Variants in ELMOD1 observed in about 807,000 individuals in gnomAD.
ELMOD1 encodes the protein ELMO domain containing 1.
ELMOD1 carries 21 observed loss-of-function variants against 46.7 expected under a neutral mutation model. The ratio of observed to expected loss-of-function variants is 0.45; its 90% CI spans 0.32 to 0.65. The LOEUF is 0.65. ELMOD1 is among the 30% of genes least tolerant of loss of function. ELMOD1 has a pLI of 0.04. For missense variants in ELMOD1, 348 were observed against 407.8 expected (o/e 0.85, Z 1.26); for synonymous variants, 122 against 138.2 (o/e 0.88, Z 0.82).
chr11:107,592,025 G>T (rs141028593), intron 1 of ELMOD1: 1 of 492,850 alleles, frequency 2.0e-6, no homozygotes, highest in African/African-American at 1.9e-5. Flanking sequence ...GCCGAGTGGG[G>T]AGTGACAGCT....
chr11:107,629,961 G>A (rs1012157615), intron 2 of ELMOD1, among the ~76,000 whole-genome samples: 3 of 152,084 alleles, frequency 2.0e-5, no homozygotes, highest in East Asian at 3.9e-4. Context: ...GGGATTGGTC[G>A]AGGGTGAGGA....
intron 6 of ELMOD1, among the ~76,000 whole-genome samples, chr11:107,641,051 G>A (rs930145662): frequency 6.6e-6 from 1 of 152,128 alleles, no homozygotes; most frequent in Admixed American, 6.6e-5. Context: ...AGGCACTTTG[G>A]GAAGCCGAGG....
chr11:107,599,794 C>T (rs950865389), intron 1 of ELMOD1, among the ~76,000 whole-genome samples: 9 of 146,424 alleles, frequency 6.1e-5, no homozygotes, highest in Non-Finnish European at 9.0e-5. Flanking sequence ...ATCCTAACAG[C>T]ATACTGGGGA....
chr11:107,632,076 T>C (rs1405441988), intron 5 of ELMOD1, among the ~76,000 whole-genome samples: 1 of 152,222 alleles, frequency 6.6e-6, no homozygotes, highest in Non-Finnish European at 1.5e-5. Context: ...GAATATTACT[T>C]TATGACAGGC....
At chr11:107,642,831 C>T (rs745598856) in intron 6 of ELMOD1, 11 of 234,714 alleles carry the variant, frequency 4.7e-5, no homozygotes, top group East Asian at 1.6e-4. Context: ...TGATACATAC[C>T]GTACATAATT....
At chr11:107,653,908 A>T in intron 9 of ELMOD1, 1 of 441,486 alleles carries the variant, frequency 2.3e-6, no homozygotes, top group Non-Finnish European at 4.1e-6. Flanking sequence ...ATCATTAATG[A>T]TAGTGCAAAA....
chr11:107,651,483 CT>C (rs1048489977), intron 9 of ELMOD1, among the ~76,000 whole-genome samples: 6 of 152,146 alleles, frequency 3.9e-5, no homozygotes, highest in African/African-American at 1.2e-4. Context: ...TTGAGTTGGG[CT>C]TTTTTTCCCC....
chr11:107,641,939 CTTTTTTTT>C (rs34475862), intron 6 of ELMOD1, among the ~76,000 whole-genome samples: 17 of 100,468 alleles, frequency 1.7e-4, no homozygotes, highest in Non-Finnish European at 2.1e-4. Flanking sequence ...TGAGCTTACT[CTTTTTTTT>C]TTTTTTTTTT....
chr11:107,594,055 G>C (rs1591093596), intron 1 of ELMOD1, among the ~76,000 whole-genome samples: 1 of 152,140 alleles, frequency 6.6e-6, no homozygotes. Flanking sequence ...AGATGACATG[G>C]GGAAATGGGG....
At chr11:107,634,450 G>A in intron 5 of ELMOD1, among the ~76,000 whole-genome samples, 1 of 151,968 alleles carries the variant, frequency 6.6e-6, no homozygotes, top group East Asian at 1.9e-4. Flanking sequence ...TAAAACATCT[G>A]AAAACCGGCT....
chr11:107,644,611 A>G (rs1031513527), intron 6 of ELMOD1, among the ~76,000 whole-genome samples: 3 of 151,674 alleles, frequency 2.0e-5, no homozygotes, highest in Non-Finnish European at 4.4e-5. Flanking sequence ...AGTAGCTGGG[A>G]CTACAGGCGC....
At chr11:107,618,334 C>A in intron 2 of ELMOD1, 128 bp downstream of exon 2, 3 of 1,096,900 alleles carry the variant, frequency 2.7e-6, no homozygotes, top group Non-Finnish European at 4.1e-6. Context: ...TGAAATAGCA[C>A]TGCATTTTTG....
rs1404987185 is a variant in ELMOD1, at chr11:107,591,280, C to T, written c.-215C>T. 1.3e-5 allele frequency: 2 copies of T among 152,270 alleles called. No individual in the cohort carries two copies. The highest frequency in any genetic ancestry group is 2.9e-5 in the Non-Finnish European group (2 of 68,198). 9.4% of individuals were successfully genotyped at this position (152,270 alleles called of 1,614,324 possible). On this transcript the variant is annotated 5_prime_UTR_variant, in exon 1 of 12. Coordinates refer to ENST00000265840, the MANE Select transcript of ELMOD1 (RefSeq NM_018712.4). ...GCAGCCGCGGCCGCCCCTGTCCAGC[C>T]TCGGCGCCCGGGACCGAGCGCGTCG...
intron 2 of ELMOD1, chr11:107,623,791 A>G (rs999204357): frequency 2.0e-5 from 3 of 152,144 alleles, no homozygotes; most frequent in African/African-American, 4.8e-5. Flanking sequence ...CTGTGAAAAT[A>G]AGTTCTTGAC....
At chr11:107,605,604 A>T (rs997768710) in intron 1 of ELMOD1, among the ~76,000 whole-genome samples, 2 of 152,236 alleles carry the variant, frequency 1.3e-5, no homozygotes, top group African/African-American at 4.8e-5. Flanking sequence ...AAAGACACTG[A>T]CTTTGAAACA....
At chr11:107,658,865 G>A (rs1248739171) in intron 11 of ELMOD1, among the ~76,000 whole-genome samples, 1 of 152,244 alleles carries the variant, frequency 6.6e-6, no homozygotes, top group Non-Finnish European at 1.5e-5. Flanking sequence ...AAACCAGGAG[G>A]TGGAGGTTGT....
chr11:107,638,553 G>A, intron 6 of ELMOD1, among the ~76,000 whole-genome samples: 1 of 152,116 alleles, frequency 6.6e-6, no homozygotes, highest in African/African-American at 2.4e-5. Flanking sequence ...TCTTTCCAGG[G>A]CTGACCCATG....
rs1865836050 is a variant in ELMOD1, at chr11:107,614,926, C to T, written c.-85-3179C>T. ...TCTGGAGAACCCCCAACCCCTACAT[C>T]TAGGCTAAGCATCTCTCCTACTCAC... On this transcript the variant is annotated intron_variant, in intron 1 of 11. Transcript: ENST00000265840. Among the ~76,000 whole-genome samples, 3 of 152,110 alleles carry T rather than the reference C, an allele frequency of 2.0e-5. No individual in the cohort carries two copies. In the South Asian group the frequency reaches 6.2e-4, roughly 32 times the overall value.
rs547736471 is a variant in ELMOD1, at chr11:107,655,065, A to G, written c.698+843A>G. 1.1e-4 allele frequency among the ~76,000 whole-genome samples: 17 copies of G among 152,304 alleles called. No individual in the cohort carries two copies. The East Asian group carries it at 2.7e-3, about 24-fold the overall frequency. On this transcript the variant is annotated intron_variant, in intron 10 of 11. Coordinates refer to ENST00000265840, the MANE Select transcript of ELMOD1 (RefSeq NM_018712.4). ...CATAAAAGTAATTACAATTTATTATAGAAAAGTAAACAAAAAATCACCCAA... is the reference window on the plus strand; with the variant it reads ...CATAAAAGTAATTACAATTTATTATGGAAAAGTAAACAAAAAATCACCCAA...
Sources: allele counts gnomAD v4.1 joint callset (sites outside exome capture counted in the v4.1 genomes callset), GRCh38; gene constraint gnomAD v4.1.1; transcripts MANE v1.5; gene names NCBI Gene and HGNC (gene_info 2026-07-23, HGNC 2026-07-21).